CADM2: variants seen among roughly 807,000 people sequenced by gnomAD.
CADM2 encodes cell adhesion molecule 2.
In CADM2, 12 loss-of-function variants were observed where a neutral mutation model predicts 49.8. The observed-to-expected ratio is 0.24, with a 90% CI of 0.15 to 0.39. The LOEUF (loss-of-function observed/expected upper bound fraction) is 0.39, where lower values mean the gene tolerates loss of function less well. Among genes scored for constraint, CADM2 ranks in the 10% least tolerant of loss-of-function variants. CADM2 has a pLI of 1.00. For synonymous variants in CADM2, 214 were observed against 175.4 expected (o/e 1.22, Z -1.74); for missense variants, 378 against 492.3 (o/e 0.77, Z 2.20).
chr3:85,529,354 C>T (rs1190498625), intron 1 of CADM2, among the ~76,000 whole-genome samples: 1 of 152,140 alleles, frequency 6.6e-6, no homozygotes, highest in African/African-American at 2.4e-5. Flanking sequence ...AATAATTAAG[C>T]AGTAGGTAAG....
intron 1 of CADM2, among the ~76,000 whole-genome samples, chr3:85,639,982 TTTTA>T (rs1486499718): frequency 6.6e-6 from 1 of 152,102 alleles, no homozygotes; most frequent in Non-Finnish European, 1.5e-5. Flanking sequence ...AAGTTATCAG[TTTTA>T]TTTATTACCA....
intron 1 of CADM2, among the ~76,000 whole-genome samples, chr3:85,456,080 T>G (rs150108963): frequency 1.3e-5 from 2 of 152,334 alleles, no homozygotes; most frequent in East Asian, 3.9e-4. Context: ...AGGTTACCTT[T>G]AAATGGGAGT....
intron 2 of CADM2, among the ~76,000 whole-genome samples, chr3:85,757,742 T>C (rs2069190493): frequency 6.6e-6 from 1 of 152,000 alleles, no homozygotes. Context: ...AAGAATAAAG[T>C]GATTGGAGAT....
chr3:85,608,869 T>G (rs1283809123), intron 1 of CADM2, among the ~76,000 whole-genome samples: 3 of 152,130 alleles, frequency 2.0e-5, no homozygotes, highest in African/African-American at 7.2e-5. Flanking sequence ...CAGAGGCACA[T>G]ATTTAAAAGC....
intron 1 of CADM2, among the ~76,000 whole-genome samples, chr3:85,467,355 A>C (rs767224388): frequency 9.9e-5 from 15 of 152,192 alleles, no homozygotes; most frequent in Non-Finnish European, 2.2e-4. Context: ...ACTAGCAAAT[A>C]GATCAAAAAT....
At chr3:85,535,019 C>A (rs1474268093) in intron 1 of CADM2, among the ~76,000 whole-genome samples, 3 of 152,114 alleles carry the variant, frequency 2.0e-5, no homozygotes, top group Non-Finnish European at 4.4e-5. Flanking sequence ...TATTTACGTG[C>A]TCTTTTCTTC....
intron 1 of CADM2, among the ~76,000 whole-genome samples, chr3:85,366,619 G>A (rs1336984939): frequency 6.6e-6 from 1 of 152,116 alleles, no homozygotes; most frequent in Non-Finnish European, 1.5e-5. Flanking sequence ...CTAAGTGCTT[G>A]TATAATAATT....
At chr3:85,765,573 A>G (rs1336021048) in intron 2 of CADM2, among the ~76,000 whole-genome samples, 2 of 151,814 alleles carry the variant, frequency 1.3e-5, no homozygotes, top group Admixed American at 1.3e-4. Context: ...ATTTCCTCTA[A>G]TTCCTTTATA....
intron 6 of CADM2, among the ~76,000 whole-genome samples, chr3:85,930,065 G>A (rs1282263039): frequency 6.6e-6 from 1 of 152,004 alleles, no homozygotes; most frequent in Non-Finnish European, 1.5e-5. Flanking sequence ...CATGTTTAAA[G>A]AGGAATAATT....
At chr3:85,414,754 C>A (rs79606738) in intron 1 of CADM2, among the ~76,000 whole-genome samples, 3,837 of 152,192 alleles carry the variant, frequency 0.025, 159 homozygotes, top group African/African-American at 0.086. Context: ...CATTTCCATT[C>A]AAACTTTACT....
intron 1 of CADM2, among the ~76,000 whole-genome samples, chr3:85,315,345 C>A (rs529445425): frequency 2.6e-4 from 39 of 152,240 alleles, no homozygotes; most frequent in African/African-American, 8.9e-4. Context: ...TATGTTATGA[C>A]TCTTCCTAAA....
At chr3:85,261,690 G>C (rs896505431) in intron 1 of CADM2, among the ~76,000 whole-genome samples, 2 of 151,996 alleles carry the variant, frequency 1.3e-5, no homozygotes, top group African/African-American at 2.4e-5. Context: ...TTCTTACAAA[G>C]ATCCTGAGAT....
At chr3:85,332,120 C>A (rs529161234) in intron 1 of CADM2, among the ~76,000 whole-genome samples, 1 of 152,106 alleles carries the variant, frequency 6.6e-6, no homozygotes, top group African/African-American at 2.4e-5. Flanking sequence ...TAGCTAATTT[C>A]TGTTTGTTGA....
In CADM2 at chr3:85,677,565, G is replaced by A. The variant is rs73845614; in HGVS notation, c.62-48957G>A. ...ACTCGGTATATTTCTAGTTTTAAAT[G>A]TTCAATAAAGATTACAATAAAATAT... On this transcript the variant is annotated intron_variant, in intron 1 of 9. Transcript: ENST00000383699. Among the ~76,000 whole-genome samples the A allele has an allele frequency of 5.2e-3, 795 of 152,088 alleles. 9 individuals carry two copies. Among genetic ancestry groups the A allele is most frequent in the African/African-American group, 0.018 (762 of 41,506 alleles).
At chr3:85,952,638 T>C (rs1463548813) in intron 7 of CADM2, among the ~76,000 whole-genome samples, 1 of 150,968 alleles carries the variant, frequency 6.6e-6, no homozygotes, top group African/African-American at 2.4e-5. Context: ...GCACTACAGT[T>C]GCACCTGTTG....
At chr3:85,684,165 A>G (rs951952099) in intron 1 of CADM2, among the ~76,000 whole-genome samples, 3 of 152,222 alleles carry the variant, frequency 2.0e-5, no homozygotes, top group Admixed American at 6.5e-5. Context: ...ACTGTACATT[A>G]TTATAAATTA....
intron 1 of CADM2, among the ~76,000 whole-genome samples, chr3:85,027,967 T>G (rs2034809375): frequency 1.3e-5 from 2 of 152,164 alleles, no homozygotes; most frequent in Non-Finnish European, 2.9e-5. Context: ...ATACAGAATT[T>G]TTTTTCTTTT....
rs1490973404 is a variant in CADM2, at chr3:85,036,020, T to A, written c.61+76352T>A. On this transcript the variant is annotated intron_variant, in intron 1 of 9. Transcript: ENST00000383699. ...TAGTTATTATCCATTACATTAGCAT[T>A]AATGACTATGTATCACTATCCCTCA... is the stretch of plus-strand genomic sequence containing the variant. Among the ~76,000 whole-genome samples the A allele has an allele frequency of 2.0e-5, 3 of 152,340 alleles. No homozygotes were observed. In the East Asian group the frequency reaches 5.8e-4, roughly 29 times the overall value.
intron 1 of CADM2, among the ~76,000 whole-genome samples, chr3:85,571,584 A>G (rs972339898): frequency 6.6e-6 from 1 of 152,208 alleles, no homozygotes; most frequent in East Asian, 1.9e-4. Context: ...TTATTAATGA[A>G]CATTATTTGT....
Sources: allele counts gnomAD v4.1 joint callset (sites outside exome capture counted in the v4.1 genomes callset), GRCh38; gene constraint gnomAD v4.1.1; transcripts MANE v1.5; gene names NCBI Gene and HGNC (gene_info 2026-07-23, HGNC 2026-07-21).